GNB4: variants seen among roughly 807,000 people sequenced by gnomAD.
The protein encoded by GNB4 is guanine nucleotide-binding protein subunit beta-4.
A neutral mutation model predicts 45.2 loss-of-function variants in GNB4; 28 were observed. The observed-to-expected ratio is 0.62, with a 90% CI of 0.46 to 0.85. The LOEUF is 0.85. Among genes scored for constraint, GNB4 ranks in the 40% least tolerant of loss-of-function variants. The probability of loss-of-function intolerance (pLI) is 0.00; values close to 1 mark genes in which losing one functional copy is unlikely to be tolerated. For missense variants in GNB4, 321 were observed against 425.4 expected (o/e 0.75, Z 2.16); for synonymous variants, 132 against 143.7 (o/e 0.92, Z 0.58).
chr3:179,506,391 AT>A, the GNB4 span, among the ~76,000 whole-genome samples: 1 of 152,166 alleles, frequency 6.6e-6, no homozygotes, highest in African/African-American at 2.4e-5. Flanking sequence ...CACTAGCAGT[AT>A]TTATCTTTGA....
At chr3:179,441,133 A>AC (rs1040417618) in intron 1 of GNB4, among the ~76,000 whole-genome samples, 3 of 152,212 alleles carry the variant, frequency 2.0e-5, no homozygotes, top group African/African-American at 7.2e-5. Context: ...AGGCACAGAA[A>AC]CCCACCCCAT....
chr3:179,447,328 G>A (rs186396929), intron 1 of GNB4, among the ~76,000 whole-genome samples: 8 of 140,158 alleles, frequency 5.7e-5, no homozygotes, highest in Admixed American at 3.8e-4. Flanking sequence ...CCCAGTCACC[G>A]TCTCTTGATC....
the GNB4 span, among the ~76,000 whole-genome samples, chr3:179,457,929 G>T: frequency 6.8e-6 from 1 of 147,512 alleles, no homozygotes; most frequent in Non-Finnish European, 1.5e-5. Flanking sequence ...TTTAAAGACA[G>T]AGTCTTGCTC....
At chr3:179,464,713 A>G in the GNB4 span, 12 of 1,053,124 alleles carry the variant, frequency 1.1e-5, no homozygotes, top group Non-Finnish European at 1.8e-5. Context: ...CTGAATAATT[A>G]TGATAATGTA....
intron 2 of GNB4, among the ~76,000 whole-genome samples, chr3:179,424,301 A>G (rs763793950): frequency 2.6e-5 from 4 of 152,220 alleles, no homozygotes; most frequent in East Asian, 1.9e-4. Flanking sequence ...TAAGTGACAC[A>G]AAGTAGAGAG....
At chr3:179,473,805 A>G in the GNB4 span, among the ~76,000 whole-genome samples, 1 of 152,212 alleles carries the variant, frequency 6.6e-6, no homozygotes, top group East Asian at 1.9e-4. Context: ...CAATATGTAA[A>G]TGTAACCACT....
At chr3:179,465,513 G>A in the GNB4 span, among the ~76,000 whole-genome samples, 28 of 152,134 alleles carry the variant, frequency 1.8e-4, no homozygotes, top group Admixed American at 1.8e-3. Context: ...GGAGGCTGAG[G>A]CAGGAGAATG....
chr3:179,446,116 C>T (rs1715718076), intron 1 of GNB4, among the ~76,000 whole-genome samples: 1 of 152,228 alleles, frequency 6.6e-6, no homozygotes, highest in South Asian at 2.1e-4. Flanking sequence ...AACTGAGGAA[C>T]ACACACTGTG....
chr3:179,457,483 C>A, the GNB4 span, among the ~76,000 whole-genome samples: 1 of 152,180 alleles, frequency 6.6e-6, no homozygotes, highest in African/African-American at 2.4e-5. Flanking sequence ...CAAACTCTCT[C>A]TCTGGGGTCT....
chr3:179,427,432 T>A (rs1240796490), intron 1 of GNB4, among the ~76,000 whole-genome samples: 1 of 151,740 alleles, frequency 6.6e-6, no homozygotes, highest in Non-Finnish European at 1.5e-5. Flanking sequence ...TGGCGAAACC[T>A]CATCTCTACC....
intron 6 of GNB4, among the ~76,000 whole-genome samples, chr3:179,414,447 C>T (rs1714736580): frequency 6.6e-6 from 1 of 152,190 alleles, no homozygotes; most frequent in South Asian, 2.1e-4. Flanking sequence ...ACCACTAACC[C>T]AATACTACAC....
At chr3:179,491,692 G>A in the GNB4 span, among the ~76,000 whole-genome samples, 1 of 152,128 alleles carries the variant, frequency 6.6e-6, no homozygotes, top group Non-Finnish European at 1.5e-5. Flanking sequence ...TCCCAGACAT[G>A]TTTCAAGCTG....
chr3:179,426,208 A>T lies in GNB4; in HGVS notation c.-8T>A. ...CTGTTCCAGTTCGCTCATTTTTTCA[A>T]TTTGTTTACCTCAGGAGCTAATGAG... is the stretch of plus-strand genomic sequence containing the variant. On this transcript the variant is annotated 5_prime_UTR_variant, in exon 2 of 10. In the 5' UTR this introduces an upstream ATG that the reference lacks. Transcript: ENST00000232564. 1 of 1,593,034 alleles carries T rather than the reference A, an allele frequency of 6.3e-7. No homozygotes were observed. The highest frequency in any genetic ancestry group is 8.5e-7 in the Non-Finnish European group (1 of 1,174,306).
the GNB4 span, among the ~76,000 whole-genome samples, chr3:179,457,904 C>CT: frequency 0.059 from 8,089 of 137,918 alleles, 299 homozygotes; most frequent in Non-Finnish European, 0.088. Flanking sequence ...CATTTTAGTT[C>CT]TTTTTTTTTT....
intron 1 of GNB4, among the ~76,000 whole-genome samples, chr3:179,449,992 C>T (rs890098046): frequency 1.1e-4 from 16 of 152,164 alleles, no homozygotes; most frequent in African/African-American, 3.9e-4. Flanking sequence ...GAATAACTTC[C>T]TAAATAATGT....
chr3:179,504,488 G>T, the GNB4 span, among the ~76,000 whole-genome samples: 3 of 152,166 alleles, frequency 2.0e-5, no homozygotes, highest in African/African-American at 7.2e-5. Flanking sequence ...TTGGGGATAA[G>T]AATCACTTTT....
intron 6 of GNB4, among the ~76,000 whole-genome samples, chr3:179,414,400 T>C (rs1194265342): frequency 1.3e-5 from 2 of 152,114 alleles, no homozygotes; most frequent in Non-Finnish European, 2.9e-5. Context: ...TTCAGATGGA[T>C]AGATACCAGA....
At chr3:179,409,758 C>T (rs112957215) in intron 8 of GNB4, among the ~76,000 whole-genome samples, 1 of 149,040 alleles carries the variant, frequency 6.7e-6, no homozygotes, top group South Asian at 2.1e-4. Flanking sequence ...TGCAGTGAGC[C>T]GAGATCGCAC....
chr3:179,413,267 A>G (rs1560213241), intron 8 of GNB4, 145 bp downstream of exon 8: 13 of 647,234 alleles, frequency 2.0e-5, no homozygotes, highest in Non-Finnish European at 3.2e-5. Context: ...TAAAAAATCA[A>G]AAACCCTTAT....
Sources: gnomAD v4.1 joint callset for allele counts (sites outside exome capture counted in the v4.1 genomes callset) on GRCh38, gnomAD v4.1.1 for gene constraint, MANE v1.5 for transcripts, NCBI Gene and HGNC (gene_info 2026-07-23, HGNC 2026-07-21) for gene names.